The following CNTNAP2 variants were observed in gnomAD, a reference collection of about 807,000 sequenced individuals.
CNTNAP2 encodes contactin associated protein 2, also known as contactin-associated protein-like 2.
Under a neutral mutation model 155.2 loss-of-function variants are expected in CNTNAP2, and 98 were observed. The observed-to-expected ratio is 0.63, with a 90% CI of 0.54 to 0.75. The LOEUF (loss-of-function observed/expected upper bound fraction) is 0.75, where lower values mean the gene tolerates loss of function less well. Among genes scored for constraint, CNTNAP2 ranks in the 30% least tolerant of loss-of-function variants. The pLI is 0.00. For missense variants in CNTNAP2, 1,727 were observed against 1,688.1 expected, an observed-to-expected ratio of 1.02 and a Z score of -0.40; for synonymous variants, 651 against 631.2, an observed-to-expected ratio of 1.03 and a Z score of -0.47.
chr7:146,438,008 C>G (rs1290780653), intron 1 of CNTNAP2, among the ~76,000 whole-genome samples: 1 of 151,314 alleles, frequency 6.6e-6, no homozygotes, highest in African/African-American at 2.5e-5. Flanking sequence ...AACAGAACAT[C>G]ATTGCTATCC....
intron 20 of CNTNAP2, among the ~76,000 whole-genome samples, chr7:148,254,793 A>T: frequency 7.3e-6 from 1 of 136,306 alleles, no homozygotes; most frequent in Non-Finnish European, 1.6e-5. Flanking sequence ...AAAAAAAAAA[A>T]AACTTAACCA....
At chr7:147,604,725 C>T (rs1299512850) in intron 12 of CNTNAP2, among the ~76,000 whole-genome samples, 1 of 152,136 alleles carries the variant, frequency 6.6e-6, no homozygotes, top group African/African-American at 2.4e-5. Context: ...GCAACTCTGG[C>T]ACTTCTGAAA....
At chr7:146,454,560 T>C (rs888186658) in intron 1 of CNTNAP2, among the ~76,000 whole-genome samples, 6 of 151,868 alleles carry the variant, frequency 4.0e-5, no homozygotes, top group East Asian at 3.9e-4. Flanking sequence ...AAGTCCTCTT[T>C]AGTGTATAAA....
intron 13 of CNTNAP2, among the ~76,000 whole-genome samples, chr7:147,804,101 T>C (rs140668861): frequency 1.3e-5 from 2 of 152,346 alleles, no homozygotes; most frequent in East Asian, 3.9e-4. Context: ...TGAATTATGA[T>C]CTAGTCTAGT....
intron 1 of CNTNAP2, among the ~76,000 whole-genome samples, chr7:146,586,004 C>CAA (rs1474486486): frequency 9.1e-6 from 1 of 109,598 alleles, no homozygotes; most frequent in Admixed American, 8.6e-5. Flanking sequence ...GGCCCTGTCT[C>CAA]AAAAAAACAA....
intron 1 of CNTNAP2, among the ~76,000 whole-genome samples, chr7:146,369,226 A>C (rs1333430205): frequency 6.6e-6 from 1 of 151,758 alleles, no homozygotes; most frequent in Non-Finnish European, 1.5e-5. Flanking sequence ...AAACAGCAAG[A>C]AGTCTGTCTC....
At chr7:147,813,098 G>T (rs1798207544) in intron 13 of CNTNAP2, among the ~76,000 whole-genome samples, 1 of 149,370 alleles carries the variant, frequency 6.7e-6, no homozygotes, top group Non-Finnish European at 1.5e-5. Flanking sequence ...TTTGAAAATA[G>T]TTTCAAATCA....
At chr7:146,811,566 T>A (rs76378377) in intron 2 of CNTNAP2, among the ~76,000 whole-genome samples, 3,106 of 152,200 alleles carry the variant, frequency 0.02, 97 homozygotes, top group African/African-American at 0.072. Flanking sequence ...ATTTTGTTTA[T>A]GTTTTCAAAA....
chr7:147,531,715 A>G (rs1424776049), intron 11 of CNTNAP2, among the ~76,000 whole-genome samples: 1 of 146,406 alleles, frequency 6.8e-6, no homozygotes, highest in Non-Finnish European at 1.5e-5. Flanking sequence ...CATTTTCCCC[A>G]TGGTCTTGGG....
In CNTNAP2 at chr7:147,880,072, G is replaced by A. The variant is rs187189521; in HGVS notation, c.2099-23493G>A. On this transcript the variant is annotated intron_variant, in intron 13 of 23. Transcript: ENST00000361727. Reference sequence around the variant, plus strand: ...ACTAAAACCTTTCTTCTCCCGCAGCGTTAGCGCTCACTCTGGTCCTCTCAG... The same window carrying A: ...ACTAAAACCTTTCTTCTCCCGCAGCATTAGCGCTCACTCTGGTCCTCTCAG... Among the ~76,000 whole-genome samples the A allele has an allele frequency of 1.0e-3, 154 of 152,292 alleles. 1 individual carries two copies. The highest frequency in any genetic ancestry group is 1.3e-3 in the Non-Finnish European group (89 of 68,024).
intron 1 of CNTNAP2, among the ~76,000 whole-genome samples, chr7:146,757,889 A>G (rs139414682): frequency 4.1e-4 from 63 of 152,262 alleles, no homozygotes; most frequent in African/African-American, 1.5e-3. Context: ...TACAGAATTC[A>G]GTGGATTGGG....
chr7:146,174,127 G>C (rs1263011469), intron 1 of CNTNAP2, among the ~76,000 whole-genome samples: 1 of 151,724 alleles, frequency 6.6e-6, no homozygotes, highest in Non-Finnish European at 1.5e-5. Flanking sequence ...ATTGCGTTGA[G>C]CCCAGGGGAG....
intron 2 of CNTNAP2, among the ~76,000 whole-genome samples, chr7:146,831,437 G>T (rs1378610651): frequency 6.6e-6 from 1 of 151,940 alleles, no homozygotes; most frequent in Admixed American, 6.6e-5. Context: ...CTGCACTTTG[G>T]GAAGCCGAGG....
chr7:148,203,211 A>AG (rs1401778949), intron 18 of CNTNAP2, among the ~76,000 whole-genome samples: 6 of 152,160 alleles, frequency 3.9e-5, no homozygotes, highest in African/African-American at 1.4e-4. Context: ...AATGAAAAAA[A>AG]TATGTATATG....
intron 12 of CNTNAP2, among the ~76,000 whole-genome samples, chr7:147,625,476 T>C (rs1197962499): frequency 6.6e-6 from 1 of 152,252 alleles, no homozygotes; most frequent in African/African-American, 2.4e-5. Flanking sequence ...CAAAATAATT[T>C]GTAAAATGCA....
At chr7:147,609,122 T>A (rs1306619883) in intron 12 of CNTNAP2, among the ~76,000 whole-genome samples, 1 of 152,230 alleles carries the variant, frequency 6.6e-6, no homozygotes. Flanking sequence ...ATTGAACTTC[T>A]GTAGACTAAT....
intron 13 of CNTNAP2, among the ~76,000 whole-genome samples, chr7:147,899,683 G>A (rs867271420): frequency 3.9e-5 from 6 of 151,978 alleles, no homozygotes; most frequent in Admixed American, 6.5e-5. Context: ...TCAGGAGTTC[G>A]AGACCAGCCT....
At chr7:147,325,229 G>A (rs567853221) in intron 9 of CNTNAP2, among the ~76,000 whole-genome samples, 6 of 152,286 alleles carry the variant, frequency 3.9e-5, no homozygotes, top group Non-Finnish European at 5.9e-5. Context: ...GAACCCAGGA[G>A]GTGGAGGTTG....
At chr7:148,257,570 G>A (rs1008915592) in intron 20 of CNTNAP2, among the ~76,000 whole-genome samples, 4 of 152,198 alleles carry the variant, frequency 2.6e-5, no homozygotes, top group African/African-American at 9.7e-5. Flanking sequence ...GGATTGGAGG[G>A]ATGGCCGCAG....
Sources: gnomAD v4.1 joint callset for allele counts (sites outside exome capture counted in the v4.1 genomes callset) on GRCh38, gnomAD v4.1.1 for gene constraint, MANE v1.5 for transcripts, NCBI Gene and HGNC (gene_info 2026-07-23, HGNC 2026-07-21) for gene names.